PRKN: variants seen among roughly 807,000 people sequenced by gnomAD.
PRKN encodes E3 ubiquitin-protein ligase parkin.
In PRKN, 56 loss-of-function variants were observed where a neutral mutation model predicts 59.5. The observed-to-expected ratio is 0.94, with a 90% confidence interval of 0.76 to 1.18. PRKN has a LOEUF of 1.18. Among genes scored for constraint, PRKN ranks in the 50% most tolerant of loss-of-function variants. PRKN has a pLI of 0.00. For synonymous variants in PRKN, 250 were observed against 222.1 expected, an observed-to-expected ratio of 1.13 and a Z score of -1.12; for missense variants, 657 against 596.4, an observed-to-expected ratio of 1.10 and a Z score of -1.06.
rs1477750142 is a variant in PRKN at position 161,499,292 on chromosome 6, T to A, written c.1083+49562A>T. Among the ~76,000 whole-genome samples, 4 of 152,232 alleles carry A rather than the reference T, an allele frequency of 2.6e-5. No homozygotes were observed. The highest frequency in any genetic ancestry group is 6.5e-5 in the Admixed American group (1 of 15,284). On this transcript the variant is annotated intron_variant, in intron 9 of 11. Transcript: ENST00000366898. The surrounding 1 kb of genome is among the most constrained non-coding windows in gnomAD (Gnocchi z 4.2). ...ACTCCTTCCCTTCAGTTGCTATTTG[T>A]CATTACACATAAATGTCTGTTGCAT...
chr6:161,716,462 C>CA (rs1389580969), intron 7 of PRKN, among the ~76,000 whole-genome samples: 6 of 151,798 alleles, frequency 4.0e-5, no homozygotes, highest in African/African-American at 1.4e-4. Flanking sequence ...GCACTATGAA[C>CA]AAAAAAAATG....
chr6:162,221,225 G>A (rs550119942), intron 3 of PRKN, among the ~76,000 whole-genome samples: 4 of 152,170 alleles, frequency 2.6e-5, no homozygotes, highest in East Asian at 1.9e-4. Context: ...TTCCTTGTTC[G>A]CCTCAGTCCT....
At chr6:162,668,941 G>C (rs576685630) in intron 1 of PRKN, among the ~76,000 whole-genome samples, 1 of 152,152 alleles carries the variant, frequency 6.6e-6, no homozygotes, top group Non-Finnish European at 1.5e-5. Flanking sequence ...GATGTATCTT[G>C]ACTTACAATC....
intron 7 of PRKN, among the ~76,000 whole-genome samples, chr6:161,708,016 T>C (rs1196339229): frequency 6.6e-6 from 1 of 152,208 alleles, no homozygotes; most frequent in African/African-American, 2.4e-5. Context: ...TTTTGGAGTA[T>C]GTTGCCCTCA....
intron 5 of PRKN, among the ~76,000 whole-genome samples, chr6:162,007,057 C>A (rs1369927629): frequency 6.6e-6 from 1 of 151,938 alleles, no homozygotes; most frequent in Non-Finnish European, 1.5e-5. Flanking sequence ...TACTATCAGC[C>A]AATATCCAAA....
chr6:162,256,425 C>T (rs1026206900), intron 3 of PRKN, among the ~76,000 whole-genome samples: 4 of 152,108 alleles, frequency 2.6e-5, no homozygotes, highest in African/African-American at 9.7e-5. Flanking sequence ...GAGTGTATTA[C>T]AGACAGTTAA....
intron 7 of PRKN, among the ~76,000 whole-genome samples, chr6:161,654,809 A>G (rs1041872834): frequency 6.6e-6 from 1 of 152,210 alleles, no homozygotes; most frequent in African/African-American, 2.4e-5. Flanking sequence ...CAAAGGCCAC[A>G]GGGGCATAAC....
chr6:162,486,733 T>C (rs1792556441), intron 1 of PRKN, among the ~76,000 whole-genome samples: 1 of 152,162 alleles, frequency 6.6e-6, no homozygotes, highest in African/African-American at 2.4e-5. Context: ...TAAGACACCA[T>C]ATGGAGCATG....
At chr6:161,896,062 T>C (rs555812812) in intron 6 of PRKN, among the ~76,000 whole-genome samples, 1 of 152,194 alleles carries the variant, frequency 6.6e-6, no homozygotes, top group East Asian at 1.9e-4. Context: ...GAGACTAAAG[T>C]GCGGGTGAAG....
chr6:162,590,796 G>A (rs563058353), intron 1 of PRKN, among the ~76,000 whole-genome samples: 20 of 152,160 alleles, frequency 1.3e-4, no homozygotes, highest in African/African-American at 4.1e-4. Flanking sequence ...ACAAAACACC[G>A]CCATGACCCG....
rs1346269118 is a variant in PRKN, at chr6:161,655,866, GCA to G, written c.872-86452_872-86451del. 5.0e-3 allele frequency among the ~76,000 whole-genome samples: 679 copies of G among 136,406 alleles called. 5 individuals carry two copies. The highest frequency in any genetic ancestry group is 0.019 in the Middle Eastern group (5 of 258). The allele number at this position is 136,406 out of a possible 152,430, so 89.5% of individuals were successfully genotyped here. A position where few individuals can be genotyped will look rare whatever the true frequency, so the allele number is the denominator to read the frequency against. ...ACCACACAGGCATATCAACACACAT[GCA>G]CACACACACACACACATACACACAC... On this transcript the variant is annotated intron_variant, in intron 7 of 11. Transcript: ENST00000366898.
chr6:161,949,008 T>C (rs778030026), intron 6 of PRKN, among the ~76,000 whole-genome samples: 6 of 152,082 alleles, frequency 3.9e-5, no homozygotes, highest in Non-Finnish European at 8.8e-5. Flanking sequence ...TGGAGGGAAG[T>C]GGACCAGTGA....
chr6:162,648,717 G>A (rs1383022851), intron 1 of PRKN, among the ~76,000 whole-genome samples: 1 of 152,140 alleles, frequency 6.6e-6, no homozygotes, highest in East Asian at 1.9e-4. Flanking sequence ...TTGACAGTTT[G>A]TGAGTAAGCT....
intron 2 of PRKN, among the ~76,000 whole-genome samples, chr6:162,311,481 C>CTTTTTT (rs397886856): frequency 7.8e-6 from 1 of 128,536 alleles, no homozygotes; most frequent in Non-Finnish European, 1.6e-5. Flanking sequence ...AATTTTTTTC[C>CTTTTTT]TTTTTTTTTT....
At chr6:162,088,468 T>A (rs1397415577) in intron 4 of PRKN, among the ~76,000 whole-genome samples, 1 of 152,218 alleles carries the variant, frequency 6.6e-6, no homozygotes, top group Non-Finnish European at 1.5e-5. Flanking sequence ...ATCCTTAAGA[T>A]AATTGCATTT....
intron 4 of PRKN, among the ~76,000 whole-genome samples, chr6:162,127,435 C>G (rs573606970): frequency 1.3e-5 from 2 of 152,258 alleles, no homozygotes; most frequent in South Asian, 4.1e-4. Flanking sequence ...CCCAAAGGTT[C>G]AAAAATCAGT....
chr6:161,435,731 T>C (rs1294859712), intron 9 of PRKN, among the ~76,000 whole-genome samples: 1 of 150,730 alleles, frequency 6.6e-6, no homozygotes, highest in Non-Finnish European at 1.5e-5. Flanking sequence ...TATTCCAAAA[T>C]GTAAAATATA....
intron 2 of PRKN, among the ~76,000 whole-genome samples, chr6:162,440,821 C>T (rs997534478): frequency 4.0e-5 from 6 of 151,376 alleles, no homozygotes; most frequent in Admixed American, 6.6e-5. Flanking sequence ...AAATATAGCA[C>T]CTGTAATGAT....
chr6:162,684,840 C>G (rs1779906398), intron 1 of PRKN, among the ~76,000 whole-genome samples: 1 of 152,074 alleles, frequency 6.6e-6, no homozygotes, highest in African/African-American at 2.4e-5. Context: ...TATGACCAAA[C>G]AGATCTGTAA....
Sources: gnomAD v4.1 joint callset for allele counts (sites outside exome capture counted in the v4.1 genomes callset) on GRCh38, gnomAD v4.1.1 for gene constraint, Gnocchi (gnomAD v3.1) non-coding constraint, MANE v1.5 for transcripts, NCBI Gene and HGNC (gene_info 2026-07-23, HGNC 2026-07-21) for gene names.